Variants in MCU observed in about 807,000 individuals in gnomAD.
MCU encodes the protein calcium uniporter protein, mitochondrial.
A neutral mutation model predicts 45.2 loss-of-function variants in MCU; 12 were observed. That is an observed-to-expected ratio of 0.27 (90% confidence interval 0.17 to 0.43). The LOEUF (loss-of-function observed/expected upper bound fraction) is 0.43. Among genes scored for constraint, MCU ranks in the 20% least tolerant of loss-of-function variants. The pLI is 1.00. For missense variants in MCU, 324 were observed against 436.7 expected (o/e 0.74, Z 2.30); for synonymous variants, 160 against 165.1 (o/e 0.97, Z 0.24).
chr10:72,813,378 A>G (rs1254505787), intron 1 of MCU, among the ~76,000 whole-genome samples: 1 of 151,704 alleles, frequency 6.6e-6, no homozygotes, highest in Non-Finnish European at 1.5e-5. Context: ...TAATTATAGA[A>G]GGTAATGAAA....
intron 1 of MCU, among the ~76,000 whole-genome samples, chr10:72,765,093 AAAAAAAAAAAAAG>A (rs1023315563): frequency 6.6e-6 from 1 of 151,810 alleles, no homozygotes; most frequent in African/African-American, 2.4e-5. Context: ...TCTTAAAAAA[AAAAAAAAAAAAAG>A]AGAGAGTTAG....
At chr10:72,811,910 T>G (rs756541159) in intron 1 of MCU, among the ~76,000 whole-genome samples, 3 of 152,170 alleles carry the variant, frequency 2.0e-5, no homozygotes, top group South Asian at 2.1e-4. Context: ...TACAGATATA[T>G]TCAGAAACAT....
intron 1 of MCU, chr10:72,730,799 T>C (rs959184759): frequency 2.6e-5 from 4 of 152,210 alleles, no homozygotes; most frequent in African/African-American, 7.2e-5. Flanking sequence ...CAGAAAAGAT[T>C]ATGTATGCAA....
intron 1 of MCU, among the ~76,000 whole-genome samples, chr10:72,735,070 T>C (rs976781508): frequency 6.1e-5 from 9 of 147,220 alleles, no homozygotes; most frequent in Admixed American, 2.0e-4. Flanking sequence ...AGTGAGATTG[T>C]CTCAAAAAAA....
At chr10:72,707,607 G>GT (rs1491449447) in intron 1 of MCU, among the ~76,000 whole-genome samples, 5 of 20,700 alleles carry the variant, frequency 2.4e-4, no homozygotes, top group African/African-American at 4.9e-4. Context: ...GTGGTGAGTG[G>GT]TGTGTGTGTG....
intron 3 of MCU, 124 bp downstream of exon 3, chr10:72,859,471 T>G: frequency 1.2e-6 from 1 of 858,138 alleles, no homozygotes; most frequent in South Asian, 2.2e-5. Flanking sequence ...TCAGAAAACT[T>G]TTTTCTTTTG....
At chr10:72,793,839 T>C (rs1361358656) in intron 1 of MCU, among the ~76,000 whole-genome samples, 1 of 152,176 alleles carries the variant, frequency 6.6e-6, no homozygotes, top group Non-Finnish European at 1.5e-5. Context: ...TCATTACTTC[T>C]TCCATATTTA....
chr10:72,819,593 A>G (rs1844678937), intron 1 of MCU, among the ~76,000 whole-genome samples: 1 of 152,128 alleles, frequency 6.6e-6, no homozygotes, highest in Non-Finnish European at 1.5e-5. Flanking sequence ...CAACCTTAGC[A>G]TTTTTGGATT....
chr10:72,810,062 A>G (rs1358970572), intron 1 of MCU, among the ~76,000 whole-genome samples: 1 of 152,022 alleles, frequency 6.6e-6, no homozygotes, highest in Non-Finnish European at 1.5e-5. Context: ...ATGGGGGTGG[A>G]CATAGTGTAG....
intron 1 of MCU, among the ~76,000 whole-genome samples, chr10:72,830,675 G>A (rs1295634107): frequency 6.6e-6 from 1 of 152,150 alleles, no homozygotes; most frequent in Non-Finnish European, 1.5e-5. Context: ...CTTAGAATAG[G>A]AAGGAGAATA....
chr10:72,873,880 G>A (rs1444223941), intron 6 of MCU, among the ~76,000 whole-genome samples: 2 of 152,230 alleles, frequency 1.3e-5, no homozygotes, highest in East Asian at 1.9e-4. Flanking sequence ...TTGTGGGTTC[G>A]TGGTGCCTTT....
intron 1 of MCU, among the ~76,000 whole-genome samples, chr10:72,751,338 CTTCTTTTTTTT>C (rs1394066146): frequency 1.8e-5 from 1 of 55,400 alleles, no homozygotes; most frequent in African/African-American, 6.4e-5. Flanking sequence ...TCTTCTTCTT[CTTCTTTTTTTT>C]TTTTTTTTTT....
intron 1 of MCU, among the ~76,000 whole-genome samples, chr10:72,715,531 C>G: frequency 6.6e-6 from 1 of 152,218 alleles, no homozygotes; most frequent in East Asian, 1.9e-4. Flanking sequence ...CACAGTTACT[C>G]TGGTCTCCTG....
intron 1 of MCU, among the ~76,000 whole-genome samples, chr10:72,796,694 T>G (rs1419711291): frequency 2.0e-5 from 1 of 50,794 alleles, no homozygotes; most frequent in East Asian, 2.3e-4. Context: ...TTAGTTTTTG[T>G]TTTTTTTTTT....
chr10:72,879,499 C>G lies in MCU; in HGVS notation c.862-4767C>G, dbSNP rs550056825. ...ATAACTGTCATCTTAGACTTCTATA[C>G]TCAGCAAAAAATATCTTTCCAAAAT... On this transcript the variant is annotated intron_variant, in intron 6 of 7. Coordinates refer to ENST00000373053, the MANE Select transcript of MCU (RefSeq NM_138357.3). Among the ~76,000 whole-genome samples, 147 of 152,258 alleles carry G rather than the reference C, an allele frequency of 9.7e-4. 1 individual carries two copies. Among genetic ancestry groups the G allele is most frequent in the African/African-American group, 3.1e-3 (129 of 41,540 alleles).
intron 6 of MCU, among the ~76,000 whole-genome samples, chr10:72,872,129 ATTC>A (rs1377069819): frequency 2.6e-5 from 4 of 152,176 alleles, no homozygotes; most frequent in Non-Finnish European, 5.9e-5. Context: ...ACTCAAGTCT[ATTC>A]TTTTTTTATT....
At chr10:72,782,408 T>C (rs989405941) in intron 1 of MCU, among the ~76,000 whole-genome samples, 1 of 152,214 alleles carries the variant, frequency 6.6e-6, no homozygotes, top group Non-Finnish European at 1.5e-5. Flanking sequence ...TTTGCTCTTG[T>C]CACCTGGGCT....
intron 1 of MCU, among the ~76,000 whole-genome samples, chr10:72,811,021 A>G (rs1844535866): frequency 6.6e-6 from 1 of 152,354 alleles, no homozygotes; most frequent in East Asian, 1.9e-4. Flanking sequence ...GGTTATATCC[A>G]GTAAGAAACC....
At chr10:72,765,809 GAAA>G (rs1843718130) in intron 1 of MCU, among the ~76,000 whole-genome samples, 1 of 124,070 alleles carries the variant, frequency 8.1e-6, no homozygotes, top group Non-Finnish European at 1.7e-5. Context: ...AAAAAAAAAA[GAAA>G]GAAACTCGAC....
Sources: allele counts gnomAD v4.1 joint callset (sites outside exome capture counted in the v4.1 genomes callset), GRCh38; gene constraint gnomAD v4.1.1; transcripts MANE v1.5; gene names NCBI Gene and HGNC (gene_info 2026-07-23, HGNC 2026-07-21).